The following POLE3 variants were observed in gnomAD, a reference collection of about 807,000 sequenced individuals.
The protein encoded by POLE3 is DNA polymerase epsilon 3, accessory subunit.
POLE3 carries 10 observed loss-of-function variants against 16.1 expected under a neutral mutation model. The ratio of observed to expected loss-of-function variants is 0.62; its 90% CI spans 0.38 to 1.05. The LOEUF (loss-of-function observed/expected upper bound fraction) is 1.05. Among genes scored for constraint, POLE3 ranks in the 50% least tolerant of loss-of-function variants. The probability of loss-of-function intolerance (pLI) is 0.01; values close to 1 mark genes in which losing one functional copy is unlikely to be tolerated. For synonymous variants in POLE3, 83 were observed against 71.0 expected, an observed-to-expected ratio of 1.17 and a Z score of -0.85; for missense variants, 169 against 185.0, an observed-to-expected ratio of 0.91 and a Z score of 0.50.
At position 113,410,345 on chromosome 9, in the gene POLE3, G is replaced by A. The variant is rs1222657684; in HGVS notation, c.-52C>T. 2.6e-6 allele frequency: 4 copies of A among 1,543,814 alleles called. No individual in the cohort carries two copies. Among genetic ancestry groups the A allele is most frequent in the Non-Finnish European group, 3.6e-6 (4 of 1,126,708 alleles). Reference sequence around the variant, plus strand: ...TTCGCCTCCGCTTCAGGGAGCTACTGCGTCCGGACTTCCCGCGTCGCTACG... The same window carrying A: ...TTCGCCTCCGCTTCAGGGAGCTACTACGTCCGGACTTCCCGCGTCGCTACG... On this transcript the variant is annotated 5_prime_UTR_variant, in exon 2 of 5. Coordinates refer to ENST00000374171, the MANE Select transcript of POLE3 (RefSeq NM_017443.5).
chr9:113,410,634 T>C lies in POLE3; in HGVS notation c.-133A>G. The C allele has an allele frequency of 2.6e-6, 1 of 377,600 alleles. No homozygotes were observed. The highest frequency in any genetic ancestry group is 5.0e-6 in the Non-Finnish European group (1 of 201,290). 23.4% of individuals were successfully genotyped at this position (377,600 alleles called of 1,614,324 possible). ...CTTCTCACCAACTTATTTGGCTCAA[T>C]GGAGCTTCCGTCCGTTTCCCATGGT... is the stretch of plus-strand genomic sequence containing the variant. On this transcript the variant is annotated 5_prime_UTR_variant, in exon 1 of 5. Coordinates refer to ENST00000374171, the MANE Select transcript of POLE3 (RefSeq NM_017443.5).
chr9:113,410,199 C>G (rs1828066437), intron 2 of POLE3, 29 bp downstream of exon 2: 1 of 1,612,026 alleles, frequency 6.2e-7, no homozygotes, highest in Non-Finnish European at 8.5e-7. Flanking sequence ...CCCTCCTGCC[C>G]GTTCGTCCGC....
chr9:113,409,535 A>G, intron 4 of POLE3, 75 bp downstream of exon 4: 1 of 882,196 alleles, frequency 1.1e-6, no homozygotes, highest in South Asian at 1.3e-5. Flanking sequence ...CGCGCTGAGA[A>G]GGCTCAGGGC....
Position 113,410,351 on chromosome 9 carries a change from G to A in POLE3, c.-58C>T, listed in dbSNP as rs1021943891. On this transcript the variant is annotated 5_prime_UTR_variant, in exon 2 of 5. Transcript: ENST00000374171. ...TCCGCTTCAGGGAGCTACTGCGTCC[G>A]GACTTCCCGCGTCGCTACGGTCTGA... is the stretch of plus-strand genomic sequence containing the variant. 41 of 1,519,060 alleles carry A rather than the reference G, an allele frequency of 2.7e-5. 1 individual carries two copies. Among genetic ancestry groups the A allele is most frequent in the East Asian group, 1.6e-4 (7 of 43,232 alleles). 94.1% of individuals were successfully genotyped at this position (1,519,060 alleles called of 1,614,324 possible).
In POLE3 at chr9:113,410,107, G is replaced by A. The variant is rs374274388; in HGVS notation, c.100C>T (p.Arg34Trp). ...CTGGCGGCGCGGGAGATGGCGCTCC[G>A]GGCCTCCTTGGAGATGTTGACACCG... Reference protein sequence around the residue: ...PDGVNISKEARSAISRAASVF... With the variant: ...PDGVNISKEAWSAISRAASVF... Residue 34 changes from arginine to tryptophan, a missense_variant, in exon 3 of 5, where the codon CGG becomes TGG. Arg to Trp is a moderately radical substitution (Grantham distance 101). Transcript: ENST00000374171. 115 of 1,589,874 alleles carry A rather than the reference G, an allele frequency of 7.2e-5. No homozygotes were observed. Among genetic ancestry groups the A allele is most frequent in the Non-Finnish European group, 9.3e-5 (109 of 1,168,942 alleles).
Position 113,409,740 on chromosome 9 carries a change from G to T in POLE3, c.153-12C>A. Reference sequence around the variant, plus strand: ...CAAAGTTGTTAGCACTGAGAGAAGAGAAAGGCTGTCAGACTCCCTCTTGTT... The same window carrying T: ...CAAAGTTGTTAGCACTGAGAGAAGATAAAGGCTGTCAGACTCCCTCTTGTT... On this transcript the variant is annotated splice_polypyrimidine_tract_variant and intron_variant, in intron 3 of 4. Transcript: ENST00000374171. The T allele has an allele frequency of 6.5e-7, 1 of 1,539,730 alleles. No homozygotes were observed.
In POLE3 at chr9:113,408,724, T is replaced by C. The variant is rs1457464204; in HGVS notation, c.*87A>G. The C allele has an allele frequency of 7.1e-6, 8 of 1,125,652 alleles. No individual in the cohort carries two copies. The highest frequency in any genetic ancestry group is 1.0e-5 in the Non-Finnish European group (8 of 766,298). 69.7% of individuals were successfully genotyped at this position (1,125,652 alleles called of 1,614,324 possible). Reference sequence around the variant, plus strand: ...CAGGCACTTTTGCCTGAGACTACTCTGCCCAGCATGGAAAAGCTTCACAGA... The same window carrying C: ...CAGGCACTTTTGCCTGAGACTACTCCGCCCAGCATGGAAAAGCTTCACAGA... On this transcript the variant is annotated 3_prime_UTR_variant, in exon 5 of 5. Coordinates refer to ENST00000374171, the MANE Select transcript of POLE3 (RefSeq NM_017443.5).
Position 113,408,444 on chromosome 9 carries a change from A to T in POLE3, c.*367T>A, listed in dbSNP as rs1827981509. The T allele has an allele frequency of 5.9e-6, 1 of 170,650 alleles. No homozygotes were observed. Among genetic ancestry groups the T allele is most frequent in the African/African-American group, 2.4e-5 (1 of 41,856 alleles). 10.6% of individuals were successfully genotyped at this position (170,650 alleles called of 1,614,324 possible). ...CTTGGCTGCCTCTGTGATCTGGAACACAGCAGGCAGCATGGAAGTTATTAT... is the reference window on the plus strand; with the variant it reads ...CTTGGCTGCCTCTGTGATCTGGAACTCAGCAGGCAGCATGGAAGTTATTAT... On this transcript the variant is annotated 3_prime_UTR_variant, in exon 5 of 5. Coordinates refer to ENST00000374171, the MANE Select transcript of POLE3 (RefSeq NM_017443.5).
intron 1 of POLE3, 71 bp downstream of exon 1, chr9:113,410,546 C>T (rs540785327): frequency 3.4e-6 from 2 of 584,188 alleles, no homozygotes; most frequent in East Asian, 2.8e-5. Flanking sequence ...CCAACCCTAC[C>T]GCACCCCGCA....
chr9:113,410,290 C>T lies in POLE3; in HGVS notation c.4G>A (p.Ala2Thr), dbSNP rs748152611. The T allele has an allele frequency of 1.3e-5, 21 of 1,613,058 alleles. No individual in the cohort carries two copies. In the Admixed American group the frequency reaches 3.5e-4, roughly 27 times the overall value. Residue 2 changes from alanine (A) to threonine (T), a missense_variant, in exon 2 of 5, where the codon GCG becomes ACG. By Grantham distance (58) the Ala-to-Thr change is moderately conservative. Transcript: ENST00000374171. M[A>T]ERPEDLNLPN... ...AGGTTTAGGTCCTCGGGCCTCTCCG[C>T]CATTGCCGCCGCTGGGGCTTAAACT...
At position 113,410,386 on chromosome 9, in the gene POLE3, G is replaced by A. The variant is rs1469014765; in HGVS notation, c.-93C>T. On this transcript the variant is annotated 5_prime_UTR_variant, in exon 2 of 5. Transcript: ENST00000374171. Reference sequence around the variant, plus strand: ...CGTCGCTACGGTCTGACCCTGCGAGGTTTCCGTTCCGCCCCACGTGGCCTA... The same window carrying A: ...CGTCGCTACGGTCTGACCCTGCGAGATTTCCGTTCCGCCCCACGTGGCCTA... 2 of 1,235,736 alleles carry A rather than the reference G, an allele frequency of 1.6e-6. No homozygotes were observed. The highest frequency in any genetic ancestry group is 3.0e-5 in the African/African-American group (2 of 67,518). 76.5% of individuals were successfully genotyped at this position (1,235,736 alleles called of 1,614,324 possible). A position where few individuals can be genotyped will look rare whatever the true frequency, so the allele number is the denominator to read the frequency against.
rs761262573 is a variant in POLE3 at position 113,410,208 on chromosome 9, G to GC, written c.66+19dup. On this transcript the variant is annotated intron_variant, in intron 2 of 4. Coordinates refer to ENST00000374171, the MANE Select transcript of POLE3 (RefSeq NM_017443.5). ...CTGCTTCCCTCCTGCCCGTTCGTCC[G>GC]CCCCCCCCGAGCTGCTCACCGCCTC... 800 of 1,607,182 alleles carry GC rather than the reference G, an allele frequency of 5.0e-4. 3 individuals are homozygous for GC. Among genetic ancestry groups the GC allele is most frequent in the African/African-American group, 1.2e-3 (92 of 74,738 alleles).
At position 113,408,472 on chromosome 9, in the gene POLE3, CT is replaced by C. The variant is rs1310512826; in HGVS notation, c.*338del. ...GCAGGCAGCATGGAAGTTATTATTA[CT>C]TATTTGGGGGACTAGGGAAGACTGC... On this transcript the variant is annotated 3_prime_UTR_variant, in exon 5 of 5. Coordinates refer to ENST00000374171, the MANE Select transcript of POLE3 (RefSeq NM_017443.5). 1 of 182,496 alleles carries C rather than the reference CT, an allele frequency of 5.5e-6. No homozygotes were observed. Among genetic ancestry groups the C allele is most frequent in the East Asian group, 1.5e-4 (1 of 6,838 alleles). The allele number at this position is 182,496 out of a possible 1,614,324, so 11.3% of individuals were successfully genotyped here.
chr9:113,408,269 G>C lies in POLE3; in HGVS notation c.*542C>G, dbSNP rs1340372526. ...TCAGTTAATGCTTCTGTCAAGTGAA[G>C]AGAGAGAACGGATTTTGTTATTCTC... On this transcript the variant is annotated 3_prime_UTR_variant, in exon 5 of 5. Transcript: ENST00000374171. The C allele has an allele frequency of 6.6e-6, 1 of 152,350 alleles. No individual in the cohort carries two copies. Among genetic ancestry groups the C allele is most frequent in the Non-Finnish European group, 1.5e-5 (1 of 68,148 alleles). The allele number at this position is 152,350 out of a possible 1,614,324, so 9.4% of individuals were successfully genotyped here. A position where few individuals can be genotyped will look rare whatever the true frequency, so the allele number is the denominator to read the frequency against.
chr9:113,409,619 CT>C lies in POLE3; in HGVS notation c.261del (p.Ala88LeufsTer58). ...EFQRFVTPLK[E>X]ALEAYRREQK... ...ACAAGAGGCTCGTTACCTTCCAGAG[CT>C]TCTTTCAATGGGGTAACGAACCGCT... On this transcript the variant is annotated frameshift_variant, in exon 4 of 5. Transcript: ENST00000374171. LOFTEE classifies it high-confidence loss of function. The C allele has an allele frequency of 6.3e-7, 1 of 1,591,416 alleles. No homozygotes were observed. Among genetic ancestry groups the C allele is most frequent in the South Asian group, 1.1e-5 (1 of 90,656 alleles).
chr9:113,408,957 T>C lies in POLE3; in HGVS notation c.298A>G (p.Lys100Glu). Residue 100 changes from lysine to glutamate, a missense_variant, in exon 5 of 5, where the codon AAG becomes GAG. Coordinates refer to ENST00000374171, the MANE Select transcript of POLE3 (RefSeq NM_017443.5). Reference sequence around the variant, plus strand: ...TTCTTCTTTTGCTCTGAGGCCTCCTTCTTGCCTTTCTGCTCCCGCCTATAT... The same window carrying C: ...TTCTTCTTTTGCTCTGAGGCCTCCTCCTTGCCTTTCTGCTCCCGCCTATAT... ...EAYRREQKGK[K>E]EASEQKKKDK... 1.2e-6 allele frequency: 2 copies of C among 1,613,984 alleles called. No individual in the cohort carries two copies. Among genetic ancestry groups the C allele is most frequent in the South Asian group, 1.1e-5 (1 of 91,072 alleles).
rs748327091 is a variant in POLE3, at chr9:113,409,700, G to C, written c.181C>G (p.Arg61Gly). 12 of 1,612,672 alleles carry C rather than the reference G, an allele frequency of 7.4e-6. No homozygotes were observed. The East Asian group carries it at 1.8e-4, about 24-fold the overall frequency. Reference protein sequence around the residue: ...CANNFAMKGKRKTLNASDVLS... With the variant: ...CANNFAMKGKGKTLNASDVLS... ...ACATCACTGGCATTCAGCGTCTTCCGCTTTCCTTTCATTGCAAAGTTGTTA... is the reference window on the plus strand; with the variant it reads ...ACATCACTGGCATTCAGCGTCTTCCCCTTTCCTTTCATTGCAAAGTTGTTA... Residue 61 changes from arginine to glycine, a missense_variant, in exon 4 of 5, where the codon CGG (arginine) becomes GGG (glycine). Physicochemically the swap from Arg to Gly is moderately radical, Grantham distance 125. Transcript: ENST00000374171.
At chr9:113,409,492 A>T (rs1828025767) in intron 4 of POLE3, 118 bp downstream of exon 4, 1 of 685,420 alleles carries the variant, frequency 1.5e-6, no homozygotes, top group African/African-American at 1.8e-5. Flanking sequence ...GTCGAGTCAC[A>T]TCAAGTGCTG....
At position 113,408,576 on chromosome 9, in the gene POLE3, CTT is replaced by C. The variant is rs1827985178; in HGVS notation, c.*233_*234del. 2 of 372,752 alleles carry C rather than the reference CTT, an allele frequency of 5.4e-6. No homozygotes were observed. Among genetic ancestry groups the C allele is most frequent in the South Asian group, 5.0e-5 (1 of 20,024 alleles). The allele number at this position is 372,752 out of a possible 1,614,324, so 23.1% of individuals were successfully genotyped here. A position where few individuals can be genotyped will look rare whatever the true frequency, so the allele number is the denominator to read the frequency against. ...ACTAATTTAGTCGTTCAGAATCCCTCTTGTCAAAAGGCCATAACCTTCAGATT... is the reference window on the plus strand; with the variant it reads ...ACTAATTTAGTCGTTCAGAATCCCTCGTCAAAAGGCCATAACCTTCAGATT... On this transcript the variant is annotated 3_prime_UTR_variant, in exon 5 of 5. Transcript: ENST00000374171.
Sources: allele counts gnomAD v4.1 joint callset, GRCh38; gene constraint gnomAD v4.1.1; transcripts MANE v1.5; gene names NCBI Gene and HGNC (gene_info 2026-07-23, HGNC 2026-07-21).